CAMK1D: variants seen among roughly 807,000 people sequenced by gnomAD.
CAMK1D encodes calcium/calmodulin-dependent protein kinase type 1D.
Under a neutral mutation model 47.7 loss-of-function variants are expected in CAMK1D, and 9 were observed. The observed-to-expected ratio is 0.19, with a 90% CI of 0.11 to 0.33. CAMK1D has a LOEUF of 0.33. Ranked by LOEUF, CAMK1D falls within the 10% of genes least tolerant of loss-of-function variation. The pLI is 1.00. For synonymous variants in CAMK1D, 184 were observed against 184.9 expected, an observed-to-expected ratio of 0.99 and a Z score of 0.04; for missense variants, 291 against 488.7, an observed-to-expected ratio of 0.60 and a Z score of 3.81.
At chr10:12,807,886 C>T (rs1838807769) in intron 6 of CAMK1D, among the ~76,000 whole-genome samples, 1 of 152,018 alleles carries the variant, frequency 6.6e-6, no homozygotes, top group Non-Finnish European at 1.5e-5. Flanking sequence ...TGCTGCAAAG[C>T]CAATTGTCCC....
intron 3 of CAMK1D, among the ~76,000 whole-genome samples, chr10:12,751,051 A>C (rs371907699): frequency 1.5e-5 from 2 of 136,340 alleles, no homozygotes; most frequent in Admixed American, 7.6e-5. Context: ...CGTCTCCCCC[A>C]ATAAGATAAG....
intron 1 of CAMK1D, among the ~76,000 whole-genome samples, chr10:12,484,855 G>A (rs1231746822): frequency 2.6e-5 from 4 of 152,016 alleles, no homozygotes; most frequent in South Asian, 4.1e-4. Context: ...TGGGCTGGGC[G>A]TGTCATGGGA....
intron 3 of CAMK1D, among the ~76,000 whole-genome samples, chr10:12,669,689 T>C (rs1489491264): frequency 6.6e-6 from 1 of 152,186 alleles, no homozygotes; most frequent in Non-Finnish European, 1.5e-5. Flanking sequence ...CAAAGTCTTC[T>C]CTTCCTCATT....
intron 6 of CAMK1D, among the ~76,000 whole-genome samples, chr10:12,809,345 G>A (rs992062540): frequency 6.8e-4 from 103 of 152,154 alleles, no homozygotes; most frequent in Non-Finnish European, 4.6e-4. Flanking sequence ...GGAAAACAGT[G>A]TGGCAATTCC....
At chr10:12,770,333 T>C (rs900082065) in intron 5 of CAMK1D, among the ~76,000 whole-genome samples, 1 of 152,204 alleles carries the variant, frequency 6.6e-6, no homozygotes, top group South Asian at 2.1e-4. Context: ...TTCTTTGTAC[T>C]AAACATCCAA....
intron 3 of CAMK1D, among the ~76,000 whole-genome samples, chr10:12,738,963 G>A (rs1016016103): frequency 2.6e-5 from 4 of 152,142 alleles, no homozygotes; most frequent in African/African-American, 9.7e-5. Flanking sequence ...GAAAAGTTTG[G>A]CTGGGTGCAG....
rs1190718842 is a variant in CAMK1D at position 12,612,669 on chromosome 10, C to T, written c.225-54067C>T. Among the ~76,000 whole-genome samples, 4 of 151,996 alleles carry T rather than the reference C, an allele frequency of 2.6e-5. No homozygotes were observed. The East Asian group carries it at 5.8e-4, about 22-fold the overall frequency. On this transcript the variant is annotated intron_variant, in intron 2 of 10. Transcript: ENST00000619168. ...GTGGGTCCTGGATGGGCGTGGAGGT[C>T]GCATATTCCTCTCTGGGTGCAGCTT...
chr10:12,732,123 C>G (rs548238870), intron 3 of CAMK1D, among the ~76,000 whole-genome samples: 2 of 152,236 alleles, frequency 1.3e-5, no homozygotes, highest in South Asian at 4.2e-4. Context: ...TGCCTGTAAT[C>G]CCAACTACTC....
At chr10:12,526,631 T>C in intron 1 of CAMK1D, among the ~76,000 whole-genome samples, 1 of 152,108 alleles carries the variant, frequency 6.6e-6, no homozygotes, top group East Asian at 1.9e-4. Flanking sequence ...ATAAAAATAA[T>C]CAGAGGCTGG....
chr10:12,748,323 C>T (rs559099140), intron 3 of CAMK1D, among the ~76,000 whole-genome samples: 4 of 152,076 alleles, frequency 2.6e-5, no homozygotes, highest in Non-Finnish European at 5.9e-5. Flanking sequence ...ACATTGAGAA[C>T]AAAGAAGGGG....
Position 12,738,648 on chromosome 10 carries a change from C to T in CAMK1D, c.300-22300C>T, listed in dbSNP as rs748622399. Among the ~76,000 whole-genome samples, 18 of 151,658 alleles carry T rather than the reference C, an allele frequency of 1.2e-4. 1 individual carries two copies. Among genetic ancestry groups the T allele is most frequent in the South Asian group, 4.2e-4 (2 of 4,806 alleles). ...GAGATCGAGACCATCCTGGCCAACA[C>T]AGTGAAACCCCATCTCTACTAAAAA... On this transcript the variant is annotated intron_variant, in intron 3 of 10. Coordinates refer to ENST00000619168, the MANE Select transcript of CAMK1D (RefSeq NM_153498.4).
rs1005316707 is a variant in CAMK1D, at chr10:12,832,450, G to C, written c.*3563G>C. ...CCACCAAAGCCCTTGAGGAGAGACG[G>C]GGTTTGCTGTGTTAGAGAAATGGCA... On this transcript the variant is annotated 3_prime_UTR_variant, in exon 11 of 11. Coordinates refer to ENST00000619168, the MANE Select transcript of CAMK1D (RefSeq NM_153498.4). 1 of 152,232 alleles carries C rather than the reference G, an allele frequency of 6.6e-6. No individual in the cohort carries two copies. Among genetic ancestry groups the C allele is most frequent in the Non-Finnish European group, 1.5e-5 (1 of 68,100 alleles). The allele number at this position is 152,232 out of a possible 1,614,324, so 9.4% of individuals were successfully genotyped here.
At chr10:12,351,763 G>A (rs1837361006) in intron 1 of CAMK1D, among the ~76,000 whole-genome samples, 1 of 152,140 alleles carries the variant, frequency 6.6e-6, no homozygotes, top group Non-Finnish European at 1.5e-5. Context: ...GTGCCAGAGC[G>A]CTTCTCTGGC....
intron 3 of CAMK1D, among the ~76,000 whole-genome samples, chr10:12,681,059 G>GATCA (rs1174839276): frequency 6.6e-6 from 1 of 152,022 alleles, no homozygotes; most frequent in Admixed American, 6.5e-5. Context: ...CAGCCAGGAG[G>GATCA]ATCACTATGT....
chr10:12,578,525 G>C (rs1248629285), intron 2 of CAMK1D, among the ~76,000 whole-genome samples: 1 of 140,286 alleles, frequency 7.1e-6, no homozygotes, highest in African/African-American at 2.8e-5. Flanking sequence ...AGCCGAGATC[G>C]TGCCATTGCA....
intron 5 of CAMK1D, among the ~76,000 whole-genome samples, chr10:12,771,883 A>G (rs1284090504): frequency 6.6e-6 from 1 of 151,986 alleles, no homozygotes; most frequent in East Asian, 1.9e-4. Flanking sequence ...AAAATACAAA[A>G]ATTAGCCAGG....
chr10:12,568,328 ACCCCTCCCCCCTCCTCTC>A (rs1837203655), intron 2 of CAMK1D, among the ~76,000 whole-genome samples: 1 of 1,380 alleles, frequency 7.2e-4, no homozygotes, highest in Non-Finnish European at 1.4e-3. Flanking sequence ...TCCTCTCCCC[ACCCCTCCCCCCTCCTCTC>A]CCCCTCCCCT....
chr10:12,702,759 T>C (rs1420460078), intron 3 of CAMK1D, among the ~76,000 whole-genome samples: 2 of 152,134 alleles, frequency 1.3e-5, no homozygotes, highest in Non-Finnish European at 2.9e-5. Flanking sequence ...ATCTGTGAGC[T>C]GGGGAGAGAG....
At chr10:12,630,086 G>A (rs1216440623) in intron 2 of CAMK1D, among the ~76,000 whole-genome samples, 1 of 152,202 alleles carries the variant, frequency 6.6e-6, no homozygotes, top group Non-Finnish European at 1.5e-5. Flanking sequence ...GTGATTGGAC[G>A]AGATGGCCTC....
Sources: allele counts gnomAD v4.1 joint callset (sites outside exome capture counted in the v4.1 genomes callset), GRCh38; gene constraint gnomAD v4.1.1; transcripts MANE v1.5; gene names NCBI Gene and HGNC (gene_info 2026-07-23, HGNC 2026-07-21).